KCNH1: variants seen among roughly 807,000 people sequenced by gnomAD.
The protein encoded by KCNH1 is voltage-gated delayed rectifier potassium channel KCNH1.
Under a neutral mutation model 69.2 loss-of-function variants are expected in KCNH1, and 27 were observed. The ratio of observed to expected loss-of-function variants is 0.39; its 90% CI spans 0.29 to 0.54. KCNH1 has a LOEUF of 0.54. Ranked by LOEUF, KCNH1 falls within the 20% of genes least tolerant of loss-of-function variation. KCNH1 has a pLI of 0.68. For synonymous variants in KCNH1, 456 were observed against 487.7 expected (o/e 0.93, Z 0.86); for missense variants, 798 against 1,261.6 (o/e 0.63, Z 5.57).
At chr1:211,065,726 A>G (rs1308265774) in intron 5 of KCNH1, among the ~76,000 whole-genome samples, 1 of 152,194 alleles carries the variant, frequency 6.6e-6, no homozygotes, top group African/African-American at 2.4e-5. Context: ...TCAAGACAAC[A>G]TGTTATACAT....
chr1:211,107,982 G>A (rs1691389806), intron 1 of KCNH1, among the ~76,000 whole-genome samples: 1 of 152,186 alleles, frequency 6.6e-6, no homozygotes, highest in Non-Finnish European at 1.5e-5. Context: ...GGCTGATCAA[G>A]ATGCTCACAC....
intron 5 of KCNH1, among the ~76,000 whole-genome samples, chr1:211,042,996 A>G (rs1294819973): frequency 6.6e-6 from 1 of 152,176 alleles, no homozygotes; most frequent in Non-Finnish European, 1.5e-5. Flanking sequence ...CAAAATGCCT[A>G]CATCAAAAAG....
intron 6 of KCNH1, among the ~76,000 whole-genome samples, chr1:210,975,080 G>C (rs907821288): frequency 6.6e-6 from 1 of 152,046 alleles, no homozygotes; most frequent in Admixed American, 6.6e-5. Context: ...CTTGGAATTT[G>C]AGTTAAAACT....
At chr1:210,982,039 G>A (rs899083791) in intron 6 of KCNH1, among the ~76,000 whole-genome samples, 2 of 152,028 alleles carry the variant, frequency 1.3e-5, no homozygotes, top group Non-Finnish European at 2.9e-5. Flanking sequence ...AATCAATCAG[G>A]CAAGAACTAG....
At chr1:210,911,991 A>G (rs1197547205) in intron 7 of KCNH1, among the ~76,000 whole-genome samples, 1 of 152,164 alleles carries the variant, frequency 6.6e-6, no homozygotes, top group African/African-American at 2.4e-5. Flanking sequence ...AATAATCAAC[A>G]AGGAAAGCAA....
At chr1:210,918,203 G>A (rs940904933) in intron 7 of KCNH1, among the ~76,000 whole-genome samples, 2 of 152,206 alleles carry the variant, frequency 1.3e-5, no homozygotes, top group African/African-American at 4.8e-5. Context: ...GCGGGATGCT[G>A]AATCTCTGGT....
intron 9 of KCNH1, among the ~76,000 whole-genome samples, chr1:210,781,575 TG>T (rs1683987271): frequency 6.6e-6 from 1 of 152,178 alleles, no homozygotes. Context: ...TAAGGGGAAC[TG>T]GATTAATCTT....
chr1:210,810,045 G>A (rs577608652), intron 7 of KCNH1, among the ~76,000 whole-genome samples: 1 of 152,208 alleles, frequency 6.6e-6, no homozygotes, highest in South Asian at 2.1e-4. Flanking sequence ...TGCATCTCCT[G>A]TCTTCCTCTT....
At chr1:210,822,524 A>G (rs11119609) in intron 7 of KCNH1, among the ~76,000 whole-genome samples, 33,087 of 152,124 alleles carry the variant, frequency 0.22, 4,049 homozygotes, top group East Asian at 0.49. Flanking sequence ...CTGGCAGAGT[A>G]ATGAAATCAC....
intron 7 of KCNH1, among the ~76,000 whole-genome samples, chr1:210,906,387 G>C (rs2102542828): frequency 6.6e-6 from 1 of 152,280 alleles, no homozygotes; most frequent in East Asian, 1.9e-4. Context: ...AACACCACAT[G>C]ACTGCTGCTG....
intron 7 of KCNH1, among the ~76,000 whole-genome samples, chr1:210,867,399 T>G (rs556586759): frequency 6.6e-6 from 1 of 151,072 alleles, no homozygotes; most frequent in Middle Eastern, 3.4e-3. Flanking sequence ...CAAATTCATA[T>G]TAAAGTGGGG....
intron 7 of KCNH1, among the ~76,000 whole-genome samples, chr1:210,866,009 A>C (rs573334258): frequency 6.6e-6 from 1 of 152,280 alleles, no homozygotes; most frequent in East Asian, 1.9e-4. Context: ...AATACAACTC[A>C]ATGGGGGAAT....
intron 5 of KCNH1, among the ~76,000 whole-genome samples, chr1:211,069,370 T>C (rs1398893632): frequency 2.7e-5 from 4 of 147,070 alleles, no homozygotes; most frequent in Non-Finnish European, 5.9e-5. Context: ...ACAAGGCATA[T>C]TGAAAGGCAA....
intron 1 of KCNH1, among the ~76,000 whole-genome samples, chr1:211,126,953 A>C (rs1391848138): frequency 6.6e-6 from 1 of 151,928 alleles, no homozygotes; most frequent in African/African-American, 2.4e-5. Context: ...CAACCTCACA[A>C]AAAAAAATAG....
At chr1:211,032,275 T>C (rs1199243908) in intron 5 of KCNH1, among the ~76,000 whole-genome samples, 1 of 152,238 alleles carries the variant, frequency 6.6e-6, no homozygotes, top group Non-Finnish European at 1.5e-5. Flanking sequence ...TACAAACAAT[T>C]GGAAGAACAT....
intron 7 of KCNH1, among the ~76,000 whole-genome samples, chr1:210,905,732 G>A (rs1001048523): frequency 1.3e-5 from 2 of 152,058 alleles, no homozygotes; most frequent in African/African-American, 4.8e-5. Context: ...GTAGGGTGCT[G>A]AGGGAGCACT....
intron 1 of KCNH1, among the ~76,000 whole-genome samples, chr1:211,129,185 G>C (rs867848): frequency 0.15 from 23,217 of 152,090 alleles, 1,956 homozygotes; most frequent in African/African-American, 0.22. Flanking sequence ...AGAAAAGTAT[G>C]GTCCAAATAT....
At chr1:211,128,247 C>T (rs150420208) in intron 1 of KCNH1, among the ~76,000 whole-genome samples, 3 of 149,548 alleles carry the variant, frequency 2.0e-5, no homozygotes, top group Non-Finnish European at 3.0e-5. Context: ...CGAGATCGCG[C>T]CACTGCACTC....
intron 5 of KCNH1, among the ~76,000 whole-genome samples, chr1:211,071,275 C>T (rs1690637678): frequency 6.6e-6 from 1 of 152,154 alleles, no homozygotes; most frequent in Non-Finnish European, 1.5e-5. Context: ...GTAACTAGTG[C>T]CACCTCGTAT....
Sources: allele counts gnomAD v4.1 joint callset (sites outside exome capture counted in the v4.1 genomes callset), GRCh38; gene constraint gnomAD v4.1.1; transcripts MANE v1.5; gene names NCBI Gene and HGNC (gene_info 2026-07-23, HGNC 2026-07-21).